Variants in DSE observed in about 807,000 individuals in gnomAD.
The protein encoded by DSE is dermatan sulfate epimerase.
In DSE, 36 loss-of-function variants were observed where a neutral mutation model predicts 84.4. That is an observed-to-expected ratio of 0.43 (90% CI 0.33 to 0.56). The LOEUF is 0.56. Ranked by LOEUF, DSE falls within the 20% of genes least tolerant of loss-of-function variation. The probability of loss-of-function intolerance (pLI) is 0.06; values close to 1 mark genes in which losing one functional copy is unlikely to be tolerated. For synonymous variants in DSE, 410 were observed against 430.1 expected, an observed-to-expected ratio of 0.95 and a Z score of 0.58; for missense variants, 862 against 1,169.6, an observed-to-expected ratio of 0.74 and a Z score of 3.84.
At chr6:116,335,198 A>G (rs1446298153) in intron 2 of DSE, among the ~76,000 whole-genome samples, 1 of 152,230 alleles carries the variant, frequency 6.6e-6, no homozygotes, top group Non-Finnish European at 1.5e-5. Context: ...GCAGCCATAA[A>G]AAGGGACAAG....
At chr6:116,333,473 T>G (rs984598173) in intron 2 of DSE, among the ~76,000 whole-genome samples, 1 of 152,196 alleles carries the variant, frequency 6.6e-6, no homozygotes, top group East Asian at 1.9e-4. Context: ...AGTGCCCCCA[T>G]GACTTAATCA....
chr6:116,320,090 G>A (rs749782301), intron 2 of DSE, among the ~76,000 whole-genome samples: 11 of 152,178 alleles, frequency 7.2e-5, no homozygotes, highest in Non-Finnish European at 1.3e-4. Context: ...ACACTGAAAT[G>A]TTTGTTGGCC....
At chr6:116,339,299 C>T (rs1193518799) in intron 2 of DSE, among the ~76,000 whole-genome samples, 1 of 148,340 alleles carries the variant, frequency 6.7e-6, no homozygotes, top group Non-Finnish European at 1.5e-5. Flanking sequence ...ACATTCCCCC[C>T]ACTTTTCTTC....
At chr6:116,400,682 A>ATGTAGTCAT (rs1781537854) in intron 2 of DSE, 1 of 152,220 alleles carries the variant, frequency 6.6e-6, no homozygotes, top group Admixed American at 6.5e-5. Flanking sequence ...TGCTAAGTAC[A>ATGTAGTCAT]TGTAGTCATT....
chr6:116,283,340 A>G (rs1332193359), intron 2 of DSE, among the ~76,000 whole-genome samples: 1 of 151,800 alleles, frequency 6.6e-6, no homozygotes, highest in East Asian at 1.9e-4. Flanking sequence ...AATTCCTGCA[A>G]CTCTTTTATG....
At chr6:116,298,534 A>G (rs1324775622) in intron 2 of DSE, among the ~76,000 whole-genome samples, 2 of 152,206 alleles carry the variant, frequency 1.3e-5, no homozygotes, top group Non-Finnish European at 2.9e-5. Context: ...GGTCAAGGAA[A>G]TGGATTACCC....
At chr6:116,330,324 A>G (rs1776863698) in intron 2 of DSE, among the ~76,000 whole-genome samples, 1 of 152,240 alleles carries the variant, frequency 6.6e-6, no homozygotes, top group African/African-American at 2.4e-5. Context: ...TTTATCATAC[A>G]GAGGAAGGCG....
chr6:116,384,851 C>T (rs1780477560), intron 1 of DSE, among the ~76,000 whole-genome samples: 1 of 151,858 alleles, frequency 6.6e-6, no homozygotes, highest in Non-Finnish European at 1.5e-5. Flanking sequence ...GAGAGCCAAG[C>T]ACACAAAATA....
intron 1 of DSE, among the ~76,000 whole-genome samples, chr6:116,373,438 T>C (rs1779733148): frequency 6.6e-6 from 1 of 152,212 alleles, no homozygotes; most frequent in East Asian, 1.9e-4. Context: ...GGTTCCATTC[T>C]CAATACTGCT....
At chr6:116,355,635 A>G (rs1562250332) in intron 2 of DSE, 1 of 152,204 alleles carries the variant, frequency 6.6e-6, no homozygotes, top group Non-Finnish European at 1.5e-5. Context: ...GGGACTGCTC[A>G]ATTTGATATG....
intron 1 of DSE, chr6:116,257,341 A>G (rs1487176341): frequency 1.3e-5 from 2 of 152,254 alleles, no homozygotes; most frequent in Admixed American, 1.3e-4. Context: ...GAACGAGGTA[A>G]TCTGACTGGA....
intron 2 of DSE, among the ~76,000 whole-genome samples, chr6:116,412,142 A>T: frequency 6.6e-6 from 1 of 152,234 alleles, no homozygotes; most frequent in East Asian, 1.9e-4. Flanking sequence ...TCCCAGGACA[A>T]AAAATAAATA....
intron 2 of DSE, among the ~76,000 whole-genome samples, chr6:116,415,782 AG>A (rs1782666001): frequency 6.6e-6 from 1 of 152,040 alleles, no homozygotes; most frequent in Non-Finnish European, 1.5e-5. Context: ...ATTTCTCCCA[AG>A]CTGCATTAAT....
chr6:116,263,925 C>T (rs924774535), intron 2 of DSE, among the ~76,000 whole-genome samples: 7 of 152,164 alleles, frequency 4.6e-5, no homozygotes, highest in African/African-American at 1.7e-4. Context: ...CATTGGCCCT[C>T]AATGTCTTCT....
intron 2 of DSE, among the ~76,000 whole-genome samples, chr6:116,270,750 C>T (rs1166659498): frequency 6.6e-6 from 1 of 152,184 alleles, no homozygotes; most frequent in Non-Finnish European, 1.5e-5. Flanking sequence ...TCAAGCTATT[C>T]AAACTTAATT....
chr6:116,350,874 T>G (rs1355579615), intron 2 of DSE, among the ~76,000 whole-genome samples: 3 of 151,868 alleles, frequency 2.0e-5, no homozygotes, highest in Non-Finnish European at 4.4e-5. Context: ...ATAGACTATT[T>G]AATTGTATAA....
chr6:116,380,591 A>G (rs1780164460), intron 1 of DSE, among the ~76,000 whole-genome samples: 3 of 152,154 alleles, frequency 2.0e-5, no homozygotes, highest in African/African-American at 7.2e-5. Context: ...ACTTCAGGGA[A>G]AAGTCATGGG....
At chr6:116,255,761 T>C (rs938606734) in intron 1 of DSE, 1 of 152,160 alleles carries the variant, frequency 6.6e-6, no homozygotes, top group Non-Finnish European at 1.5e-5. Flanking sequence ...ATAACCTGAG[T>C]CAAGATGAAG....
chr6:116,433,646 A>G (rs1056781603), intron 5 of DSE, 96 bp downstream of exon 5: 1 of 1,292,544 alleles, frequency 7.7e-7, no homozygotes, highest in African/African-American at 1.5e-5. Context: ...GAAAAACTAA[A>G]ACACTTTTTA....
Sources: gnomAD v4.1 joint callset for allele counts (sites outside exome capture counted in the v4.1 genomes callset) on GRCh38, gnomAD v4.1.1 for gene constraint, MANE v1.5 for transcripts, NCBI Gene and HGNC (gene_info 2026-07-23, HGNC 2026-07-21) for gene names.